The following ST3GAL1 variants were observed in gnomAD, a reference collection of about 807,000 sequenced individuals.
ST3GAL1 encodes CMP-N-acetylneuraminate-beta-galactosamide-alpha-2,3-sialyltransferase 1.
In ST3GAL1, 16 loss-of-function variants were observed where a neutral mutation model predicts 34.1. The observed-to-expected ratio is 0.47, with a 90% CI of 0.32 to 0.71. The LOEUF is 0.71. ST3GAL1 is among the 30% of genes least tolerant of loss of function. The probability of loss-of-function intolerance (pLI) is 0.04; values close to 1 mark genes in which losing one functional copy is unlikely to be tolerated. For synonymous variants in ST3GAL1, 191 were observed against 184.7 expected, an observed-to-expected ratio of 1.03 and a Z score of -0.28; for missense variants, 353 against 447.4, an observed-to-expected ratio of 0.79 and a Z score of 1.90.
intron 8 of ST3GAL1, 99 bp from the exon 9 acceptor site, chr8:133,462,093 G>A (rs1815534738): frequency 6.5e-7 from 1 of 1,543,558 alleles, no homozygotes; most frequent in East Asian, 2.3e-5. Flanking sequence ...TGGAGGCACA[G>A]CCATGAGCCT....
intron 2 of ST3GAL1, among the ~76,000 whole-genome samples, chr8:133,527,388 G>A (rs1164529615): frequency 6.6e-6 from 1 of 152,106 alleles, no homozygotes; most frequent in Non-Finnish European, 1.5e-5. Context: ...GAGGTGGTGG[G>A]GTGAGAAGTG....
intron 2 of ST3GAL1, among the ~76,000 whole-genome samples, chr8:133,531,601 T>C (rs947478136): frequency 6.6e-6 from 1 of 152,024 alleles, no homozygotes; most frequent in Non-Finnish European, 1.5e-5. Context: ...AAAGCCATGT[T>C]CTTCTCCAGT....
intron 5 of ST3GAL1, among the ~76,000 whole-genome samples, chr8:133,474,806 A>T (rs1816105941): frequency 6.6e-6 from 1 of 152,180 alleles, no homozygotes; most frequent in Admixed American, 6.5e-5. Flanking sequence ...CCCCATTTAC[A>T]GAAGCCCCCT....
At chr8:133,525,100 G>A (rs1586641040) in intron 2 of ST3GAL1, among the ~76,000 whole-genome samples, 1 of 152,330 alleles carries the variant, frequency 6.6e-6, no homozygotes, top group South Asian at 2.1e-4. Context: ...GAAGAATGAG[G>A]TATGCAGACA....
At chr8:133,533,266 G>A (rs561221249) in intron 2 of ST3GAL1, among the ~76,000 whole-genome samples, 2 of 152,274 alleles carry the variant, frequency 1.3e-5, no homozygotes, top group East Asian at 1.9e-4. Flanking sequence ...TGACGTGCAG[G>A]TGTTGCAGAC....
At chr8:133,541,066 T>TAGACATATATATGC (rs1818500581) in intron 2 of ST3GAL1, among the ~76,000 whole-genome samples, 1 of 40,192 alleles carries the variant, frequency 2.5e-5, no homozygotes, top group Non-Finnish European at 5.7e-5. Context: ...CATATATATA[T>TAGACATATATATGC]AGACATATAT....
chr8:133,514,933 C>T (rs1563722663), intron 2 of ST3GAL1, among the ~76,000 whole-genome samples: 1 of 152,154 alleles, frequency 6.6e-6, no homozygotes, highest in Admixed American at 6.5e-5. Flanking sequence ...CGATGGCCCC[C>T]CGCTCCCCCA....
chr8:133,465,058 G>GC, intron 6 of ST3GAL1, 101 bp from the exon 7 acceptor site: 2 of 1,232,292 alleles, frequency 1.6e-6, no homozygotes, highest in Non-Finnish European at 2.3e-6. Flanking sequence ...GACTTCAGGG[G>GC]TGTCACCTGC....
At chr8:133,506,733 C>T (rs900721230) in intron 2 of ST3GAL1, among the ~76,000 whole-genome samples, 2 of 151,614 alleles carry the variant, frequency 1.3e-5, no homozygotes, top group Non-Finnish European at 2.9e-5. Flanking sequence ...TGCAGTAAGC[C>T]GAGATCGTGC....
intron 5 of ST3GAL1, among the ~76,000 whole-genome samples, chr8:133,471,121 T>C (rs1815939268): frequency 6.6e-6 from 1 of 152,122 alleles, no homozygotes; most frequent in Non-Finnish European, 1.5e-5. Flanking sequence ...GTGGCACCAC[T>C]GGGGCCTCAC....
rs909308082 is a variant in ST3GAL1, at chr8:133,458,831, G to GAGGC, written c.*929_*932dup. ...ACTCAAAGGAACAACTGCTTGGGAA[G>GAGGC]AGGCATCTGCAGGAGTCAGAAACAC... is the stretch of plus-strand genomic sequence containing the variant. On this transcript the variant is annotated 3_prime_UTR_variant, in exon 10 of 10. Coordinates refer to ENST00000522652, the MANE Select transcript of ST3GAL1 (RefSeq NM_173344.3). 6.6e-6 allele frequency: 1 copy of GAGGC among 152,054 alleles called. No homozygotes were observed. The highest frequency in any genetic ancestry group is 2.4e-5 in the African/African-American group (1 of 41,384). The allele number at this position is 152,054 out of a possible 1,614,324, so 9.4% of individuals were successfully genotyped here.
Position 133,476,030 on chromosome 8 carries a change from C to A in ST3GAL1, c.-6G>T. The A allele has an allele frequency of 6.4e-7, 1 of 1,569,978 alleles. No individual in the cohort carries two copies. Among genetic ancestry groups the A allele is most frequent in the Middle Eastern group, 1.7e-4 (1 of 5,842 alleles). On this transcript the variant is annotated 5_prime_UTR_variant, in exon 5 of 10. Transcript: ENST00000522652. ...CTCTTCCGCAGGGTCACCATCTTCG[C>A]AGTCCTGATGGTGGCCTCCCACGAT...
At chr8:133,541,070 C>CATATATATATAGACAT (rs377685012) in intron 2 of ST3GAL1, among the ~76,000 whole-genome samples, 1 of 41,684 alleles carries the variant, frequency 2.4e-5, no homozygotes, top group Non-Finnish European at 4.4e-5. Flanking sequence ...TATATATAGA[C>CATATATATATAGACAT]ATATATATAG....
At position 133,570,776 on chromosome 8, in the gene ST3GAL1, G is replaced by A. The variant is rs951693674; in HGVS notation, c.-582+917C>T. On this transcript the variant is annotated intron_variant, in intron 1 of 9. Coordinates refer to ENST00000522652, the MANE Select transcript of ST3GAL1 (RefSeq NM_173344.3). This position sits in a 1 kb window ranked among gnomAD's most constrained non-coding sequence, Gnocchi z 5.6. ...TTCCAAACTAACTGTACCCTCACCA[G>A]AGCGCCTCGCCCCAGGGTCACCGCT... Among the ~76,000 whole-genome samples, 1 of 152,168 alleles carries A rather than the reference G, an allele frequency of 6.6e-6. No homozygotes were observed. Among genetic ancestry groups the A allele is most frequent in the Non-Finnish European group, 1.5e-5 (1 of 68,024 alleles).
chr8:133,464,596 T>C (rs779787642), intron 7 of ST3GAL1, among the ~76,000 whole-genome samples, 182 bp downstream of exon 7: 14 of 152,082 alleles, frequency 9.2e-5, no homozygotes, highest in Non-Finnish European at 1.9e-4. Context: ...TGTTAAGTGA[T>C]AGGGAGAGAA....
At chr8:133,527,845 G>A (rs528470211) in intron 2 of ST3GAL1, among the ~76,000 whole-genome samples, 29 of 152,224 alleles carry the variant, frequency 1.9e-4, no homozygotes, top group African/African-American at 5.8e-4. Flanking sequence ...CCACCCCAGG[G>A]GACTGAGCCC....
chr8:133,538,502 G>A (rs558899435), intron 2 of ST3GAL1, among the ~76,000 whole-genome samples: 41 of 152,192 alleles, frequency 2.7e-4, no homozygotes, highest in Non-Finnish European at 4.1e-4. Flanking sequence ...GCGACAGAGC[G>A]AGACTCCATC....
intron 5 of ST3GAL1, among the ~76,000 whole-genome samples, chr8:133,470,578 C>T (rs532583093): frequency 3.3e-5 from 5 of 152,198 alleles, no homozygotes; most frequent in South Asian, 4.1e-4. Context: ...TGCCTGCCGC[C>T]TGGTGGCCTG....
chr8:133,538,377 T>C (rs994855162), intron 2 of ST3GAL1, among the ~76,000 whole-genome samples: 1 of 152,044 alleles, frequency 6.6e-6, no homozygotes, highest in African/African-American at 2.4e-5. Flanking sequence ...TAGCCAGGTG[T>C]GGTGGTGGGA....
Sources: gnomAD v4.1 joint callset for allele counts (sites outside exome capture counted in the v4.1 genomes callset) on GRCh38, gnomAD v4.1.1 for gene constraint, Gnocchi (gnomAD v3.1) non-coding constraint, MANE v1.5 for transcripts, NCBI Gene and HGNC (gene_info 2026-07-23, HGNC 2026-07-21) for gene names.